DLG2: variants seen among roughly 807,000 people sequenced by gnomAD.
The protein encoded by DLG2 is discs large MAGUK scaffold protein 2, also known as disks large homolog 2.
In DLG2, 45 loss-of-function variants were observed where a neutral mutation model predicts 132.5. The ratio of observed to expected loss-of-function variants is 0.34; its 90% CI spans 0.27 to 0.44. DLG2 has a LOEUF of 0.44. DLG2 is among the 20% of genes least tolerant of loss of function. The pLI is 1.00. For missense variants in DLG2, 1,045 were observed against 1,196.9 expected (o/e 0.87, Z 1.87); for synonymous variants, 424 against 419.6 (o/e 1.01, Z -0.13).
intron 15 of DLG2, 87 bp downstream of exon 15, chr11:83,930,241 G>C (rs953376881): frequency 1.4e-5 from 21 of 1,452,130 alleles, no homozygotes; most frequent in East Asian, 4.6e-5. Context: ...TAGTGCAAGA[G>C]AAGTGAGCAG....
intron 21 of DLG2, among the ~76,000 whole-genome samples, chr11:83,497,394 G>A (rs910617061): frequency 1.3e-5 from 2 of 152,098 alleles, no homozygotes; most frequent in Non-Finnish European, 1.5e-5. Context: ...AATTAGCTGG[G>A]TGTGGTGGCA....
chr11:84,281,003 GA>G (rs2097849504), intron 7 of DLG2, among the ~76,000 whole-genome samples: 1 of 151,352 alleles, frequency 6.6e-6, no homozygotes, highest in African/African-American at 2.4e-5. Context: ...TTACAGGCGT[GA>G]GCCACCGTGC....
intron 6 of DLG2, among the ~76,000 whole-genome samples, chr11:84,602,630 C>T (rs562932440): frequency 6.6e-6 from 1 of 151,996 alleles, no homozygotes; most frequent in East Asian, 1.9e-4. Context: ...CACCAAAAAG[C>T]AAGTGTAATT....
At chr11:84,828,679 C>A (rs966315692) in intron 6 of DLG2, among the ~76,000 whole-genome samples, 1 of 151,626 alleles carries the variant, frequency 6.6e-6, no homozygotes, top group Non-Finnish European at 1.5e-5. Flanking sequence ...ATGGAGGTGC[C>A]AAAGCTAAGG....
At position 84,006,459 on chromosome 11, in the gene DLG2, C is replaced by T. The variant is rs571820071; in HGVS notation, c.920-25817G>A. On this transcript the variant is annotated intron_variant, in intron 11 of 27. Coordinates refer to ENST00000376104, the MANE Select transcript of DLG2 (RefSeq NM_001142699.3). ...GAGGACTTGAATTGTTCCCAACACA[C>T]AGAATAAGTATTTAAGTATTTACGA... 9.4e-5 allele frequency among the ~76,000 whole-genome samples: 14 copies of T among 149,730 alleles called. No individual in the cohort carries two copies. In the South Asian group the frequency reaches 2.5e-3, roughly 27 times the overall value.
In DLG2 at chr11:84,460,875, G is replaced by A. The variant is rs78408473; in HGVS notation, c.519+73695C>T. Among the ~76,000 whole-genome samples the A allele has an allele frequency of 6.6e-5, 10 of 150,830 alleles. No individual in the cohort carries two copies. In the East Asian group the frequency reaches 2.0e-3, roughly 29 times the overall value. On this transcript the variant is annotated intron_variant, in intron 7 of 27. Transcript: ENST00000376104. The stretch of plus-strand genomic sequence containing the variant: ...TGAAGCTGATCAAGTAAAGCAGTTT[G>A]CCTAAATCCACATTCTAAGTGAATA...
At chr11:83,769,998 T>C (rs2094318794) in intron 18 of DLG2, among the ~76,000 whole-genome samples, 1 of 152,184 alleles carries the variant, frequency 6.6e-6, no homozygotes, top group Non-Finnish European at 1.5e-5. Context: ...CCCAAGTTTA[T>C]TTCTCTCTTA....
intron 6 of DLG2, among the ~76,000 whole-genome samples, chr11:84,885,292 A>G (rs372615552): frequency 1.3e-5 from 2 of 150,942 alleles, no homozygotes; most frequent in African/African-American, 4.8e-5. Context: ...GCATCTAATG[A>G]TTTTCTGGCA....
At chr11:84,494,458 C>A (rs1263286923) in intron 7 of DLG2, among the ~76,000 whole-genome samples, 1 of 152,108 alleles carries the variant, frequency 6.6e-6, no homozygotes, top group African/African-American at 2.4e-5. Context: ...TGGCCAGAGA[C>A]CCAGGGCCTT....
At chr11:84,007,114 T>C (rs958807723) in intron 11 of DLG2, among the ~76,000 whole-genome samples, 1 of 151,864 alleles carries the variant, frequency 6.6e-6, no homozygotes, top group African/African-American at 2.4e-5. Context: ...GGACTCAGCT[T>C]GCATCCTAGG....
intron 15 of DLG2, among the ~76,000 whole-genome samples, chr11:83,884,418 G>A (rs962107107): frequency 6.6e-6 from 1 of 152,196 alleles, no homozygotes; most frequent in African/African-American, 2.4e-5. Context: ...GCCCAGGCTT[G>A]CTTAGGTAAA....
chr11:85,062,362 A>C (rs1017014546), intron 6 of DLG2, among the ~76,000 whole-genome samples: 2 of 151,830 alleles, frequency 1.3e-5, no homozygotes, highest in African/African-American at 4.8e-5. Flanking sequence ...TTTTATTTGT[A>C]ATAGATAGAC....
chr11:85,013,850 C>T (rs534088981), intron 6 of DLG2, among the ~76,000 whole-genome samples: 1 of 152,010 alleles, frequency 6.6e-6, no homozygotes, highest in African/African-American at 2.4e-5. Context: ...GGGTTTATAG[C>T]AAAATGGTTA....
At chr11:84,948,617 T>G (rs1375204948) in intron 6 of DLG2, among the ~76,000 whole-genome samples, 2 of 152,216 alleles carry the variant, frequency 1.3e-5, no homozygotes, top group African/African-American at 4.8e-5. Context: ...TAATATAGAT[T>G]CAAGGGCTTC....
intron 8 of DLG2, among the ~76,000 whole-genome samples, chr11:84,214,293 G>T (rs1223433611): frequency 7.6e-6 from 1 of 132,380 alleles, no homozygotes; most frequent in African/African-American, 3.8e-5. Flanking sequence ...ATATATATAT[G>T]AGAGAATATA....
At chr11:84,375,583 A>G (rs2098725789) in intron 7 of DLG2, among the ~76,000 whole-genome samples, 1 of 152,098 alleles carries the variant, frequency 6.6e-6, no homozygotes. Flanking sequence ...TTGTCTACAG[A>G]TAGACTGAAT....
chr11:83,484,518 A>AT (rs1274087312), intron 21 of DLG2, among the ~76,000 whole-genome samples: 1 of 114,356 alleles, frequency 8.7e-6, no homozygotes, highest in African/African-American at 3.5e-5. Context: ...AATTTTTTGA[A>AT]TTTTTTGTGC....
intron 6 of DLG2, among the ~76,000 whole-genome samples, chr11:85,052,331 C>G (rs368847870): frequency 3.9e-5 from 6 of 152,208 alleles, no homozygotes; most frequent in Middle Eastern, 3.4e-3. Flanking sequence ...TTACTACTCA[C>G]GAAGTGGTTG....
intron 16 of DLG2, among the ~76,000 whole-genome samples, chr11:83,858,205 T>G (rs899854167): frequency 1.3e-5 from 2 of 152,166 alleles, no homozygotes; most frequent in South Asian, 4.1e-4. Context: ...CAAGCCCTGC[T>G]TGCTGCTGAA....
Sources: allele counts gnomAD v4.1 joint callset (sites outside exome capture counted in the v4.1 genomes callset), GRCh38; gene constraint gnomAD v4.1.1; transcripts MANE v1.5; gene names NCBI Gene and HGNC (gene_info 2026-07-23, HGNC 2026-07-21).